THSD7B: variants seen among roughly 807,000 people sequenced by gnomAD.
THSD7B encodes thrombospondin type-1 domain-containing protein 7B.
Under a neutral mutation model 213.6 loss-of-function variants are expected in THSD7B, and 138 were observed. The observed-to-expected ratio is 0.65, with a 90% CI of 0.56 to 0.74. THSD7B has a LOEUF of 0.74. Ranked by LOEUF, THSD7B falls within the 30% of genes least tolerant of loss-of-function variation. The pLI is 0.00. For synonymous variants in THSD7B, 742 were observed against 687.0 expected (o/e 1.08, Z -1.25); for missense variants, 1,931 against 1,991.5 (o/e 0.97, Z 0.58).
intron 12 of THSD7B, among the ~76,000 whole-genome samples, chr2:137,315,443 T>G (rs1489191314): frequency 6.6e-6 from 1 of 152,118 alleles, no homozygotes; most frequent in Non-Finnish European, 1.5e-5. Context: ...ATACCTCAGA[T>G]GGAAATGGAG....
At chr2:137,042,783 C>A (rs1438979720) in intron 2 of THSD7B, among the ~76,000 whole-genome samples, 1 of 152,210 alleles carries the variant, frequency 6.6e-6, no homozygotes, top group African/African-American at 2.4e-5. Flanking sequence ...CTAACATTGA[C>A]CCTAACAAGT....
At chr2:137,433,959 C>T (rs1292356613) in intron 14 of THSD7B, among the ~76,000 whole-genome samples, 2 of 152,086 alleles carry the variant, frequency 1.3e-5, no homozygotes, top group African/African-American at 4.8e-5. Flanking sequence ...CTCATTATTC[C>T]AGCTTGTTAA....
intron 7 of THSD7B, among the ~76,000 whole-genome samples, chr2:137,213,383 TATA>T (rs1573890030): frequency 7.0e-6 from 1 of 143,504 alleles, no homozygotes; most frequent in Admixed American, 7.1e-5. Flanking sequence ...GTATATATGT[TATA>T]ATATGTACTA....
intron 15 of THSD7B, among the ~76,000 whole-genome samples, chr2:137,521,168 C>A (rs1680177037): frequency 6.6e-6 from 1 of 152,058 alleles, no homozygotes; most frequent in South Asian, 2.1e-4. Flanking sequence ...AAGAGCTGAT[C>A]CAGAGATTTG....
At chr2:136,766,194 A>T (rs1211866538) in intron 1 of THSD7B, among the ~76,000 whole-genome samples, 2 of 152,116 alleles carry the variant, frequency 1.3e-5, no homozygotes, top group Non-Finnish European at 2.9e-5. Context: ...CTGACTGCGA[A>T]ATCTGTGCAT....
At chr2:136,980,200 T>TGG (rs1190509757) in intron 2 of THSD7B, among the ~76,000 whole-genome samples, 1 of 152,188 alleles carries the variant, frequency 6.6e-6, no homozygotes, top group African/African-American at 2.4e-5. Context: ...GTAAGATGTC[T>TGG]GGAGACCCCT....
At chr2:137,341,830 CT>C (rs1480045670) in intron 12 of THSD7B, among the ~76,000 whole-genome samples, 2 of 151,598 alleles carry the variant, frequency 1.3e-5, no homozygotes, top group Non-Finnish European at 3.0e-5. Flanking sequence ...GTTAATGTGT[CT>C]TTCTTTTTTC....
At chr2:137,239,318 CTG>C (rs1282802099) in intron 9 of THSD7B, among the ~76,000 whole-genome samples, 3 of 151,764 alleles carry the variant, frequency 2.0e-5, no homozygotes, top group African/African-American at 4.8e-5. Context: ...AATTTTTTTT[CTG>C]TCTCTCTCTG....
At chr2:137,503,770 T>C (rs1430399746) in intron 15 of THSD7B, among the ~76,000 whole-genome samples, 5 of 152,110 alleles carry the variant, frequency 3.3e-5, no homozygotes, top group South Asian at 2.1e-4. Flanking sequence ...CTCACGCCTG[T>C]AATCCCACCA....
chr2:137,031,714 A>G (rs1686672394), intron 2 of THSD7B, among the ~76,000 whole-genome samples: 1 of 152,220 alleles, frequency 6.6e-6, no homozygotes, highest in Admixed American at 6.5e-5. Context: ...GTAACAAAAT[A>G]TATTCAAAAA....
intron 20 of THSD7B, among the ~76,000 whole-genome samples, chr2:137,634,634 T>C (rs1682800249): frequency 6.6e-6 from 1 of 152,216 alleles, no homozygotes; most frequent in Non-Finnish European, 1.5e-5. Flanking sequence ...CACAGAAGAA[T>C]TGTTGTTTAC....
At chr2:136,923,305 A>G (rs1011146289) in intron 2 of THSD7B, among the ~76,000 whole-genome samples, 11 of 152,210 alleles carry the variant, frequency 7.2e-5, no homozygotes, top group African/African-American at 2.4e-4. Flanking sequence ...GCTGCATAAT[A>G]TTCCATTTTA....
At chr2:137,259,231 T>C (rs570903732) in intron 10 of THSD7B, among the ~76,000 whole-genome samples, 15 of 152,330 alleles carry the variant, frequency 9.8e-5, no homozygotes, top group African/African-American at 3.6e-4. Flanking sequence ...AAATGGTATT[T>C]CTGGTTCTTG....
intron 5 of THSD7B, among the ~76,000 whole-genome samples, chr2:137,123,643 T>C (rs1279538360): frequency 6.6e-6 from 1 of 152,158 alleles, no homozygotes. Flanking sequence ...AATGAATGCA[T>C]GTTGAAAGGA....
chr2:137,013,579 A>G (rs557339819), intron 2 of THSD7B, among the ~76,000 whole-genome samples: 1 of 152,326 alleles, frequency 6.6e-6, no homozygotes, highest in Non-Finnish European at 1.5e-5. Flanking sequence ...AGGCTATAAC[A>G]TGTTGAGCAT....
intron 15 of THSD7B, among the ~76,000 whole-genome samples, chr2:137,551,630 A>G (rs528076838): frequency 6.6e-6 from 1 of 152,344 alleles, no homozygotes; most frequent in African/African-American, 2.4e-5. Context: ...AAATTTATTT[A>G]TCAATACATT....
chr2:136,880,112 A>C lies in THSD7B; in HGVS notation c.-35-2032A>C, dbSNP rs185041216. Among the ~76,000 whole-genome samples the C allele has an allele frequency of 1.0e-3, 155 of 152,274 alleles. 2 individuals carry two copies. The highest frequency in any genetic ancestry group is 1.9e-3 in the Non-Finnish European group (129 of 68,010). Reference sequence around the variant, plus strand: ...ACTTGAACTCAGCTCTGCACCAAGCAGACCTAATAGACATCTACAGAACTC... The same window carrying C: ...ACTTGAACTCAGCTCTGCACCAAGCCGACCTAATAGACATCTACAGAACTC... On this transcript the variant is annotated intron_variant, in intron 1 of 27. Coordinates refer to ENST00000409968, the MANE Select transcript of THSD7B (RefSeq NM_001316349.2).
At chr2:136,863,925 G>T (rs541823960) in intron 1 of THSD7B, among the ~76,000 whole-genome samples, 1 of 152,246 alleles carries the variant, frequency 6.6e-6, no homozygotes, top group Non-Finnish European at 1.5e-5. Context: ...AAACCCAAGG[G>T]TCTGCTTCCT....
chr2:137,053,731 CA>C (rs552835298), intron 2 of THSD7B, among the ~76,000 whole-genome samples: 1 of 151,444 alleles, frequency 6.6e-6, no homozygotes, highest in Non-Finnish European at 1.5e-5. Flanking sequence ...TTAATCCATG[CA>C]AAAAAAATCC....
Sources: gnomAD v4.1 joint callset for allele counts (sites outside exome capture counted in the v4.1 genomes callset) on GRCh38, gnomAD v4.1.1 for gene constraint, MANE v1.5 for transcripts, NCBI Gene and HGNC (gene_info 2026-07-23, HGNC 2026-07-21) for gene names.